Variants in SUCLG2 observed in about 807,000 individuals in gnomAD.
SUCLG2 encodes the protein succinate-CoA ligase GDP-forming subunit beta, also known as succinate--CoA ligase [GDP-forming] subunit beta, mitochondrial.
In SUCLG2, 42 loss-of-function variants were observed where a neutral mutation model predicts 47.9. That is an observed-to-expected ratio of 0.88 (90% CI 0.69 to 1.14). SUCLG2 has a LOEUF of 1.14. Among genes scored for constraint, SUCLG2 ranks in the 50% most tolerant of loss-of-function variants. The pLI, the probability that SUCLG2 is intolerant of heterozygous loss-of-function variation, is 0.00. For synonymous variants in SUCLG2, 195 were observed against 197.3 expected (o/e 0.99, Z 0.10); for missense variants, 571 against 525.9 (o/e 1.09, Z -0.84).
Position 67,518,236 on chromosome 3 carries a change from G to C in SUCLG2, c.660+11C>G. ...CAAGTCAGACACACCATCCCCCAAT[G>C]GCTTATATACCTGGCTTTTCAAAGG... On this transcript the variant is annotated intron_variant, in intron 6 of 10. Coordinates refer to ENST00000307227, the MANE Select transcript of SUCLG2 (RefSeq NM_003848.4). The C allele has an allele frequency of 6.2e-7, 1 of 1,604,634 alleles. No individual in the cohort carries two copies. Among genetic ancestry groups the C allele is most frequent in the Admixed American group, 1.7e-5 (1 of 59,146 alleles).
At chr3:67,563,907 C>G (rs924759010) in intron 2 of SUCLG2, among the ~76,000 whole-genome samples, 1 of 142,144 alleles carries the variant, frequency 7.0e-6, no homozygotes, top group African/African-American at 2.6e-5. Context: ...TTGCAGTGAG[C>G]GGAGATCTCG....
intron 2 of SUCLG2, among the ~76,000 whole-genome samples, chr3:67,557,452 G>A (rs1372948089): frequency 6.6e-6 from 1 of 152,090 alleles, no homozygotes; most frequent in East Asian, 1.9e-4. Flanking sequence ...TGAGCCCAAG[G>A]AGACAGACCC....
At chr3:67,612,338 G>T (rs1442464699) in intron 1 of SUCLG2, among the ~76,000 whole-genome samples, 2 of 148,168 alleles carry the variant, frequency 1.3e-5, no homozygotes, top group African/African-American at 5.1e-5. Context: ...CAGCTTGGGT[G>T]CCAGAGTGAG....
At chr3:67,455,929 T>G (rs1284043278) in intron 9 of SUCLG2, among the ~76,000 whole-genome samples, 6 of 152,162 alleles carry the variant, frequency 3.9e-5, no homozygotes, top group Non-Finnish European at 8.8e-5. Context: ...CTCTTCAAAT[T>G]TAACGTATTA....
chr3:67,434,224 T>C (rs2106893634), intron 9 of SUCLG2, among the ~76,000 whole-genome samples: 1 of 152,268 alleles, frequency 6.6e-6, no homozygotes, highest in East Asian at 1.9e-4. Context: ...GCTGCTAAAA[T>C]AAGTTCAATT....
chr3:67,610,308 T>C (rs1260851869), intron 1 of SUCLG2, among the ~76,000 whole-genome samples: 3 of 152,206 alleles, frequency 2.0e-5, no homozygotes, highest in Non-Finnish European at 1.5e-5. Flanking sequence ...AACTAGTTCC[T>C]AAACTGCAAC....
At chr3:67,364,366 T>TC (rs891434747) in intron 10 of SUCLG2, among the ~76,000 whole-genome samples, 30 of 151,578 alleles carry the variant, frequency 2.0e-4, no homozygotes, top group African/African-American at 6.8e-4. Flanking sequence ...TAAAGAGGCA[T>TC]CCCCCCCAAC....
chr3:67,460,873 T>A (rs953475479), intron 9 of SUCLG2, among the ~76,000 whole-genome samples: 1 of 152,110 alleles, frequency 6.6e-6, no homozygotes, highest in African/African-American at 2.4e-5. Context: ...GGAGAAAATA[T>A]AGGCAATGCA....
intron 2 of SUCLG2, among the ~76,000 whole-genome samples, chr3:67,602,517 A>C (rs1708442383): frequency 6.6e-6 from 1 of 152,190 alleles, no homozygotes; most frequent in African/African-American, 2.4e-5. Flanking sequence ...AGAAATTCTA[A>C]GGAGATGACC....
chr3:67,393,000 C>T (rs969817292), intron 10 of SUCLG2, among the ~76,000 whole-genome samples: 3 of 151,822 alleles, frequency 2.0e-5, no homozygotes, highest in Non-Finnish European at 2.9e-5. Flanking sequence ...CTTTTTACTA[C>T]CACATACTCA....
In SUCLG2 at chr3:67,375,725, T is replaced by C. The variant is rs768032609; in HGVS notation, c.*19A>G. 10 of 1,602,186 alleles carry C rather than the reference T, an allele frequency of 6.2e-6. No individual in the cohort carries two copies. The highest frequency in any genetic ancestry group is 1.7e-5 in the Admixed American group (1 of 58,376). On this transcript the variant is annotated 3_prime_UTR_variant, in exon 11 of 11. Coordinates refer to ENST00000307227, the MANE Select transcript of SUCLG2 (RefSeq NM_003848.4). ...ACGGAAAAATGGCTTTCTTTCTCCA[T>C]TGGATCAGGACAAAGACATCACTTC...
intron 9 of SUCLG2, among the ~76,000 whole-genome samples, chr3:67,474,523 CAA>C (rs1704694406): frequency 6.6e-6 from 1 of 152,114 alleles, no homozygotes; most frequent in African/African-American, 2.4e-5. Context: ...AAGAATATGC[CAA>C]GTCTTCCTAT....
At chr3:67,417,546 C>G (rs1454547188) in intron 9 of SUCLG2, among the ~76,000 whole-genome samples, 1 of 152,198 alleles carries the variant, frequency 6.6e-6, no homozygotes, top group African/African-American at 2.4e-5. Context: ...TAACAAGGAA[C>G]TGAACTAGTT....
Position 67,391,362 on chromosome 3 carries a change from G to C in SUCLG2, c.1183+9369C>G, listed in dbSNP as rs535982075. Among the ~76,000 whole-genome samples, 5 of 152,186 alleles carry C rather than the reference G, an allele frequency of 3.3e-5. No homozygotes were observed. In the East Asian group the frequency reaches 5.8e-4, roughly 18 times the overall value. ...TCGTGTCCTTCTTAGCATGGACTCG[G>C]TATGCTAAGAAGGACACAATTTGCA... On this transcript the variant is annotated intron_variant, in intron 10 of 10. Transcript: ENST00000307227.
chr3:67,488,068 A>C (rs1158561802), intron 9 of SUCLG2, among the ~76,000 whole-genome samples: 1 of 152,070 alleles, frequency 6.6e-6, no homozygotes, highest in Non-Finnish European at 1.5e-5. Flanking sequence ...TAATATTGTC[A>C]ATTATATGAT....
chr3:67,632,222 G>A (rs773281624), intron 1 of SUCLG2, among the ~76,000 whole-genome samples: 1 of 152,086 alleles, frequency 6.6e-6, no homozygotes, highest in African/African-American at 2.4e-5. Flanking sequence ...TCACTCTGTC[G>A]CCTAGACTGG....
chr3:67,473,996 G>A (rs1426503369), intron 9 of SUCLG2, among the ~76,000 whole-genome samples: 1 of 152,112 alleles, frequency 6.6e-6, no homozygotes, highest in Non-Finnish European at 1.5e-5. Flanking sequence ...GGTGGCTCAC[G>A]ACTGTAATCC....
chr3:67,367,361 T>C (rs188022373), intron 10 of SUCLG2, among the ~76,000 whole-genome samples: 2 of 152,318 alleles, frequency 1.3e-5, no homozygotes, highest in Admixed American at 1.3e-4. Context: ...ATAGAACATT[T>C]GTAAATTAGT....
At chr3:67,529,222 T>A in intron 2 of SUCLG2, 36 bp from the exon 3 acceptor site, 1 of 1,551,310 alleles carries the variant, frequency 6.4e-7, no homozygotes, top group Non-Finnish European at 8.8e-7. Context: ...TAGCTGATTT[T>A]AAATTCTTTT....
Sources: allele counts gnomAD v4.1 joint callset (sites outside exome capture counted in the v4.1 genomes callset), GRCh38; gene constraint gnomAD v4.1.1; transcripts MANE v1.5; gene names NCBI Gene and HGNC (gene_info 2026-07-23, HGNC 2026-07-21).